CD72: variants seen among roughly 807,000 people sequenced by gnomAD.
CD72 encodes the protein CD72 molecule, also known as B-cell differentiation antigen CD72.
Under a neutral mutation model 50.7 loss-of-function variants are expected in CD72, and 28 were observed. That is an observed-to-expected ratio of 0.55 (90% CI 0.41 to 0.76). The LOEUF (loss-of-function observed/expected upper bound fraction) is 0.76. CD72 is among the 30% of genes least tolerant of loss of function. The pLI is 0.00. For synonymous variants in CD72, 176 were observed against 171.2 expected (o/e 1.03, Z -0.22); for missense variants, 403 against 420.6 (o/e 0.96, Z 0.37).
chr9:35,641,375 G>T (rs1438465084), intron 1 of CD72, among the ~76,000 whole-genome samples: 1 of 151,076 alleles, frequency 6.6e-6, no homozygotes, highest in Non-Finnish European at 1.5e-5. Flanking sequence ...TGAAATGTAT[G>T]GCCTGCAGTG....
intron 1 of CD72, among the ~76,000 whole-genome samples, chr9:35,632,387 G>GA (rs1161885143): frequency 2.0e-5 from 3 of 151,958 alleles, no homozygotes; most frequent in Admixed American, 6.6e-5. Context: ...AGCCAGGATG[G>GA]TCTTGACCTC....
intron 1 of CD72, among the ~76,000 whole-genome samples, chr9:35,627,812 AT>A (rs1387553000): frequency 1.3e-5 from 2 of 152,154 alleles, no homozygotes; most frequent in East Asian, 3.9e-4. Context: ...TGATGCTCCT[AT>A]GATAAGTTTT....
intron 1 of CD72, among the ~76,000 whole-genome samples, chr9:35,644,631 G>C (rs987874532): frequency 6.6e-6 from 1 of 152,196 alleles, no homozygotes; most frequent in Admixed American, 6.5e-5. Context: ...GGCCAGATCT[G>C]TCAGCCTCCT....
intron 1 of CD72, among the ~76,000 whole-genome samples, chr9:35,631,301 G>GT (rs1823243905): frequency 6.6e-6 from 1 of 152,030 alleles, no homozygotes; most frequent in African/African-American, 2.4e-5. Context: ...TCAGATGAGC[G>GT]TAACAATTCA....
intron 1 of CD72, among the ~76,000 whole-genome samples, chr9:35,645,301 C>A (rs1412094680): frequency 6.6e-6 from 1 of 150,908 alleles, no homozygotes; most frequent in Non-Finnish European, 1.5e-5. Flanking sequence ...CAAATGAAGT[C>A]ATTAAGACTC....
At chr9:35,622,549 G>A (rs1034821494), upstream of CD72, among the ~76,000 whole-genome samples, 2 of 152,050 alleles carry the variant, frequency 1.3e-5, no homozygotes, top group Admixed American at 1.3e-4. Flanking sequence ...TATCCCTTGG[G>A]AAGCCAAGGT....
intron 6 of CD72, among the ~76,000 whole-genome samples, chr9:35,612,310 C>T (rs548213716): frequency 3.3e-5 from 5 of 152,252 alleles, no homozygotes; most frequent in East Asian, 3.9e-4. Flanking sequence ...AGAGGCCGGG[C>T]GCAGTGGTTC....
intron 4 of CD72, 74 bp downstream of exon 4, chr9:35,616,526 A>T: frequency 8.2e-7 from 1 of 1,225,924 alleles, no homozygotes; most frequent in South Asian, 1.2e-5. Flanking sequence ...CCTGCTGAGG[A>T]AGATCAGCTT....
At chr9:35,611,040 A>G (rs185692679) in intron 7 of CD72, among the ~76,000 whole-genome samples, 1 of 152,312 alleles carries the variant, frequency 6.6e-6, no homozygotes, top group African/African-American at 2.4e-5. Context: ...TCACAAGGTC[A>G]GGACATCGAG....
At position 35,616,269 on chromosome 9, in the gene CD72, A is replaced by C. The variant is rs768447420; in HGVS notation, c.362T>G (p.Val121Gly). The change falls in exon 5 of 9, where the codon GTG (valine) becomes GGG (glycine). Residue 121 changes from valine (V) to glycine (G), a missense_variant. By Grantham distance (109) the Val-to-Gly change is moderately radical. Coordinates refer to ENST00000259633, the MANE Select transcript of CD72 (RefSeq NM_001782.3). Reference protein sequence around the residue: ...AICLGVRYLQVSQQLQQTNRV... With the variant: ...AICLGVRYLQGSQQLQQTNRV... Reference sequence around the variant, plus strand: ...GTTCGTCTGCTGGAGCTGCTGAGACACCTGCAGATCTGTTTGGCCACAGAG... The same window carrying C: ...GTTCGTCTGCTGGAGCTGCTGAGACCCCTGCAGATCTGTTTGGCCACAGAG... 1.9e-6 allele frequency: 3 copies of C among 1,612,708 alleles called. No individual in the cohort carries two copies. The highest frequency in any genetic ancestry group is 3.3e-5 in the Admixed American group (2 of 59,930).
upstream of CD72, among the ~76,000 whole-genome samples, chr9:35,621,304 G>C (rs1587904909): frequency 6.6e-6 from 1 of 152,144 alleles, no homozygotes; most frequent in African/African-American, 2.4e-5. Context: ...GGGTGTTTAC[G>C]GTTGACAAGA....
chr9:35,622,826 G>T (rs922751964), upstream of CD72, among the ~76,000 whole-genome samples: 1 of 151,732 alleles, frequency 6.6e-6, no homozygotes, highest in African/African-American at 2.4e-5. Context: ...TAACAGCAAA[G>T]TCAGGCACAA....
intron 1 of CD72, among the ~76,000 whole-genome samples, chr9:35,644,350 CAAAAAA>C (rs74176726): frequency 1.5e-5 from 1 of 68,194 alleles, no homozygotes; most frequent in South Asian, 7.8e-4. Context: ...AACTCTGTCT[CAAAAAA>C]AAAAAAAAAA....
At chr9:35,624,124 A>G (rs536650024), upstream of CD72, among the ~76,000 whole-genome samples, 1 of 151,518 alleles carries the variant, frequency 6.6e-6, no homozygotes, top group East Asian at 1.9e-4. Context: ...AGGCAGGAGA[A>G]TCACTTGAAC....
At chr9:35,636,431 A>T (rs1177096275) in intron 1 of CD72, among the ~76,000 whole-genome samples, 1 of 152,232 alleles carries the variant, frequency 6.6e-6, no homozygotes, top group Non-Finnish European at 1.5e-5. Context: ...AGTAGAGAAT[A>T]TACAGTAAAG....
chr9:35,627,866 C>G lies in CD72; in HGVS notation n.409-9745G>C, dbSNP rs1368413489. On this transcript the variant is annotated intron_variant and non_coding_transcript_variant, in intron 1 of 3. Coordinates refer to the CD72 transcript ENST00000465754. ...TCTTTTTTAATCAGAGTCAGCGTCT[C>G]ACTCTGTCACCCAGGCTGGAGTACA... Among the ~76,000 whole-genome samples, 4 of 151,900 alleles carry G rather than the reference C, an allele frequency of 2.6e-5. No homozygotes were observed. The East Asian group carries it at 5.8e-4, about 22-fold the overall frequency.
At chr9:35,612,697 C>T (rs1466575862) in intron 6 of CD72, 151 bp downstream of exon 6, 4 of 720,796 alleles carry the variant, frequency 5.5e-6, no homozygotes, top group Non-Finnish European at 7.0e-6. Context: ...TGTTTCCAAG[C>T]TCAGAGGTCA....
chr9:35,632,863 C>T (rs1823258475), intron 1 of CD72, among the ~76,000 whole-genome samples: 1 of 152,096 alleles, frequency 6.6e-6, no homozygotes, highest in Admixed American at 6.5e-5. Context: ...CAGGCACGAG[C>T]CACTGTGCCC....
At chr9:35,619,951 C>A (rs909008475), upstream of CD72, among the ~76,000 whole-genome samples, 1 of 151,590 alleles carries the variant, frequency 6.6e-6, no homozygotes, top group Admixed American at 6.6e-5. Flanking sequence ...AAGTTTCCAA[C>A]AACCTAGACC....
Sources: allele counts gnomAD v4.1 joint callset (sites outside exome capture counted in the v4.1 genomes callset), GRCh38; gene constraint gnomAD v4.1.1; transcripts MANE v1.5; gene names NCBI Gene and HGNC (gene_info 2026-07-23, HGNC 2026-07-21).